Variants in ATG4B observed in about 807,000 individuals in gnomAD.
ATG4B encodes the protein cysteine protease ATG4B.
In ATG4B, 29 loss-of-function variants were observed where a neutral mutation model predicts 56.6. That is an observed-to-expected ratio of 0.51 (90% CI 0.38 to 0.70). The LOEUF is 0.70. Among genes scored for constraint, ATG4B ranks in the 30% least tolerant of loss-of-function variants. The pLI, the probability that ATG4B is intolerant of heterozygous loss-of-function variation, is 0.00. For synonymous variants in ATG4B, 224 were observed against 206.1 expected, an observed-to-expected ratio of 1.09 and a Z score of -0.74; for missense variants, 461 against 515.5, an observed-to-expected ratio of 0.89 and a Z score of 1.02.
At chr2:241,667,193 T>TCTTG (rs1008053953) in intron 8 of ATG4B, among the ~76,000 whole-genome samples, 3 of 152,034 alleles carry the variant, frequency 2.0e-5, no homozygotes, top group African/African-American at 7.2e-5. Flanking sequence ...CCCACAGCCC[T>TCTTG]CTTGGCCTGA....
intron 7 of ATG4B, among the ~76,000 whole-genome samples, chr2:241,665,848 G>A (rs2068743128): frequency 6.6e-6 from 1 of 152,128 alleles, no homozygotes; most frequent in Non-Finnish European, 1.5e-5. Flanking sequence ...CCATCACTTA[G>A]TGTGCAGTGT....
chr2:241,654,272 T>A (rs889079220), intron 4 of ATG4B, among the ~76,000 whole-genome samples: 2 of 151,762 alleles, frequency 1.3e-5, no homozygotes, highest in African/African-American at 4.8e-5. Context: ...AACACAAAAA[T>A]TAGCTAGGCT....
In ATG4B at chr2:241,668,650, A is replaced by G. The variant is rs1343517246; in HGVS notation, c.922A>G (p.Met308Val). Residue 308 changes from methionine (M) to valine (V), a missense_variant, in exon 10 of 13, where the codon ATG becomes GTG. By Grantham distance (21) the Met-to-Val change is conservative. Coordinates refer to ENST00000404914, the MANE Select transcript of ATG4B (RefSeq NM_013325.5). This position sits in a 1 kb window ranked among gnomAD's most constrained non-coding sequence, Gnocchi z 4.2. Reference protein sequence around the residue: ...SFHCQHPPCRMSIAELDPSIA... With the variant: ...SFHCQHPPCRVSIAELDPSIA... ...CCACTGCCAGCACCCGCCGTGCCGC[A>G]TGAGCATCGCGGAGCTTGACCCGTC... 5 of 1,582,232 alleles carry G rather than the reference A, an allele frequency of 3.2e-6. 1 individual carries two copies. In the South Asian group the frequency reaches 5.8e-5, roughly 18 times the overall value.
chr2:241,649,750 C>A (rs1244611296), intron 1 of ATG4B, among the ~76,000 whole-genome samples: 2 of 150,278 alleles, frequency 1.3e-5, no homozygotes, highest in African/African-American at 4.9e-5. Flanking sequence ...TCTCTAGTTT[C>A]TTTCTTTCTT....
intron 6 of ATG4B, among the ~76,000 whole-genome samples, chr2:241,656,979 C>G (rs1033192815): frequency 2.6e-5 from 3 of 117,544 alleles, no homozygotes; most frequent in African/African-American, 9.7e-5. Flanking sequence ...TCTCTTTTTT[C>G]TTTTTTTTTG....
At chr2:241,644,128 CTGGAG>C (rs2067993307) in intron 1 of ATG4B, among the ~76,000 whole-genome samples, 1 of 152,044 alleles carries the variant, frequency 6.6e-6, no homozygotes, top group South Asian at 2.1e-4. Flanking sequence ...GGGTGGATCA[CTGGAG>C]CCCAGGAGTT....
intron 1 of ATG4B, among the ~76,000 whole-genome samples, chr2:241,640,858 A>G (rs1484929174): frequency 2.0e-5 from 3 of 152,174 alleles, no homozygotes; most frequent in Non-Finnish European, 4.4e-5. Context: ...GGGCCTTGCC[A>G]GCTCATAGTG....
intron 1 of ATG4B, among the ~76,000 whole-genome samples, chr2:241,640,375 A>G (rs968774572): frequency 2.0e-5 from 3 of 152,202 alleles, no homozygotes; most frequent in Admixed American, 2.0e-4. Context: ...ATTTCCTTTC[A>G]GAGATGATTA....
chr2:241,672,381 A>T lies in ATG4B; in HGVS notation c.*117A>T. On this transcript the variant is annotated 3_prime_UTR_variant, in exon 13 of 13. Transcript: ENST00000404914. ...TGCGCCCCGTGCTGCCTCCCCCCAG[A>T]GGGCCACCCGCTGTGCTCGTGGACT... The T allele has an allele frequency of 1.1e-6, 1 of 931,406 alleles. No individual in the cohort carries two copies. Among genetic ancestry groups the T allele is most frequent in the Non-Finnish European group, 1.6e-6 (1 of 610,046 alleles). 57.7% of individuals were successfully genotyped at this position (931,406 alleles called of 1,614,324 possible).
Position 241,668,756 on chromosome 2 carries a change from TC to T in ATG4B, c.957+72del. On this transcript the variant is annotated intron_variant, in intron 10 of 12. Coordinates refer to ENST00000404914, the MANE Select transcript of ATG4B (RefSeq NM_013325.5). This position sits in a 1 kb window ranked among gnomAD's most constrained non-coding sequence, Gnocchi z 4.2. The stretch of plus-strand genomic sequence containing the variant: ...TGTTTGGGAATGACGAGGAAAACTT[TC>T]GGATTTTTGCGTTTTTTTTTTCAGC... 4.6e-6 allele frequency: 7 copies of T among 1,506,328 alleles called. No individual in the cohort carries two copies. The highest frequency in any genetic ancestry group is 5.3e-6 in the Non-Finnish European group (6 of 1,136,960). 93.3% of individuals were successfully genotyped at this position (1,506,328 alleles called of 1,614,324 possible). A position where few individuals can be genotyped will look rare whatever the true frequency, so the allele number is the denominator to read the frequency against.
intron 12 of ATG4B, chr2:241,671,737 T>G: frequency 2.3e-6 from 3 of 1,304,086 alleles, no homozygotes; most frequent in Non-Finnish European, 3.0e-6. Flanking sequence ...GGGGGACTGG[T>G]TCACTTGGGC....
chr2:241,652,177 C>T lies in ATG4B; in HGVS notation c.184+842C>T, dbSNP rs555553061. Reference sequence around the variant, plus strand: ...TAATGATACACCTTGTGAGATGTACCCTGGGAATATTGATATGTAATGATA... The same window carrying T: ...TAATGATACACCTTGTGAGATGTACTCTGGGAATATTGATATGTAATGATA... On this transcript the variant is annotated intron_variant, in intron 3 of 12. Transcript: ENST00000404914. Among the ~76,000 whole-genome samples, 7 of 152,312 alleles carry T rather than the reference C, an allele frequency of 4.6e-5. No individual in the cohort carries two copies. The East Asian group carries it at 1.4e-3, about 29-fold the overall frequency.
Position 241,668,338 on chromosome 2 carries a change from C to T in ATG4B, c.811+117C>T. On this transcript the variant is annotated intron_variant, in intron 9 of 12. Transcript: ENST00000404914. The surrounding 1 kb of genome is among the most constrained non-coding windows in gnomAD (Gnocchi z 4.2). ...GCCACTGGTGGAAAAGCAGCATGCCCTGGGGTTCATTTTCAGCCTGGTCGC... is the reference window on the plus strand; with the variant it reads ...GCCACTGGTGGAAAAGCAGCATGCCTTGGGGTTCATTTTCAGCCTGGTCGC... 2 of 1,398,164 alleles carry T rather than the reference C, an allele frequency of 1.4e-6. No homozygotes were observed. The highest frequency in any genetic ancestry group is 2.0e-5 in the Admixed American group (1 of 49,550). The allele number at this position is 1,398,164 out of a possible 1,614,324, so 86.6% of individuals were successfully genotyped here.
chr2:241,647,368 C>T (rs1201691079), intron 1 of ATG4B, among the ~76,000 whole-genome samples: 2 of 149,308 alleles, frequency 1.3e-5, no homozygotes, highest in Non-Finnish European at 3.0e-5. Context: ...CCTGTAATCC[C>T]AGCACTTTGG....
chr2:241,658,640 G>A (rs1229671710), intron 6 of ATG4B, among the ~76,000 whole-genome samples: 1 of 152,188 alleles, frequency 6.6e-6, no homozygotes. Context: ...GTGCACAGTC[G>A]TGCTTCCCAC....
intron 1 of ATG4B, among the ~76,000 whole-genome samples, chr2:241,648,568 C>T (rs1201527825): frequency 6.7e-6 from 1 of 148,170 alleles, no homozygotes; most frequent in Non-Finnish European, 1.5e-5. Flanking sequence ...GTACTCCAGC[C>T]TGGGTGACAA....
In ATG4B at chr2:241,646,735, A is replaced by G. The variant is rs141777433; in HGVS notation, c.11-4275A>G. ...TAAGTGTTCTGAGCACATTTAAGGC[A>G]GGCTAGGCTAAGCTATGATGTTAGG... On this transcript the variant is annotated intron_variant, in intron 1 of 12. Transcript: ENST00000404914. Among the ~76,000 whole-genome samples, 16 of 150,854 alleles carry G rather than the reference A, an allele frequency of 1.1e-4. No homozygotes were observed. In the East Asian group the frequency reaches 3.1e-3, roughly 29 times the overall value.
At chr2:241,646,581 G>A (rs900009812) in intron 1 of ATG4B, among the ~76,000 whole-genome samples, 2 of 152,140 alleles carry the variant, frequency 1.3e-5, no homozygotes, top group African/African-American at 4.8e-5. Flanking sequence ...TTCTGGGCTA[G>A]CAGTATGCCT....
chr2:241,655,541 G>GT, intron 6 of ATG4B, 198 bp downstream of exon 6: 1 of 606,244 alleles, frequency 1.6e-6, no homozygotes, highest in Non-Finnish European at 2.9e-6. Context: ...AATGAACACC[G>GT]TAGTCCACAT....
Sources: allele counts gnomAD v4.1 joint callset (sites outside exome capture counted in the v4.1 genomes callset), GRCh38; gene constraint gnomAD v4.1.1; non-coding constraint Gnocchi (gnomAD v3.1); transcripts MANE v1.5; gene names NCBI Gene and HGNC (gene_info 2026-07-23, HGNC 2026-07-21).